The following CSMD3 variants were observed in gnomAD, a reference collection of about 807,000 sequenced individuals.
CSMD3 encodes CUB and Sushi multiple domains 3, also known as CUB and sushi domain-containing protein 3.
Under a neutral mutation model 435.2 loss-of-function variants are expected in CSMD3, and 177 were observed. The ratio of observed to expected loss-of-function variants is 0.41; its 90% CI spans 0.36 to 0.46. The LOEUF is 0.46. Among genes scored for constraint, CSMD3 ranks in the 20% least tolerant of loss-of-function variants. The pLI is 0.34. For synonymous variants in CSMD3, 1,656 were observed against 1,520.5 expected (o/e 1.09, Z -2.07); for missense variants, 4,265 against 4,504.6 (o/e 0.95, Z 1.52).
chr8:112,371,140 G>A (rs1273721873), intron 38 of CSMD3, among the ~76,000 whole-genome samples: 1 of 152,152 alleles, frequency 6.6e-6, no homozygotes, highest in Non-Finnish European at 1.5e-5. Context: ...GAGGAAGTGG[G>A]CAGAGGTGAG....
chr8:112,901,871 C>T (rs967344334), intron 10 of CSMD3, among the ~76,000 whole-genome samples: 4 of 151,214 alleles, frequency 2.6e-5, no homozygotes, highest in African/African-American at 4.8e-5. Flanking sequence ...TGATGGGGTT[C>T]GGGTAAAGTT....
chr8:113,053,041 A>G (rs1454249683), intron 5 of CSMD3, among the ~76,000 whole-genome samples: 1 of 152,072 alleles, frequency 6.6e-6, no homozygotes, highest in Admixed American at 6.5e-5. Context: ...AACAGCCTGT[A>G]TTTTTTTCAA....
chr8:112,342,771 A>G (rs1377352413), intron 41 of CSMD3, among the ~76,000 whole-genome samples: 1 of 151,868 alleles, frequency 6.6e-6, no homozygotes, highest in Non-Finnish European at 1.5e-5. Flanking sequence ...GGAAATATTT[A>G]AAACAGGGTT....
chr8:112,850,010 T>C (rs1003041834), intron 11 of CSMD3, among the ~76,000 whole-genome samples: 1 of 152,062 alleles, frequency 6.6e-6, no homozygotes. Context: ...ATATGAAAAA[T>C]AGGGATAATA....
intron 24 of CSMD3, among the ~76,000 whole-genome samples, chr8:112,558,702 G>A (rs1249952880): frequency 2.0e-5 from 3 of 151,866 alleles, no homozygotes; most frequent in South Asian, 2.1e-4. Flanking sequence ...CATATATGGC[G>A]TCAGAAGGGG....
At chr8:112,574,664 A>G (rs1829799477) in intron 23 of CSMD3, among the ~76,000 whole-genome samples, 1 of 151,966 alleles carries the variant, frequency 6.6e-6, no homozygotes, top group African/African-American at 2.4e-5. Flanking sequence ...AAAGGTGTAA[A>G]AATTGGTTCT....
chr8:113,257,212 T>C (rs2093389081), intron 3 of CSMD3, among the ~76,000 whole-genome samples: 1 of 152,002 alleles, frequency 6.6e-6, no homozygotes, highest in Non-Finnish European at 1.5e-5. Context: ...ATCAAGACCT[T>C]CCTGGCTAAC....
intron 5 of CSMD3, among the ~76,000 whole-genome samples, chr8:113,025,718 C>G (rs1393791042): frequency 6.6e-6 from 1 of 152,074 alleles, no homozygotes; most frequent in Non-Finnish European, 1.5e-5. Context: ...GTCAGGCACA[C>G]ATGGGTGTGA....
intron 5 of CSMD3, among the ~76,000 whole-genome samples, chr8:113,030,436 A>ATATAT (rs1293925866): frequency 6.7e-6 from 1 of 149,492 alleles, no homozygotes; most frequent in African/African-American, 2.4e-5. Context: ...AAAAAAAAAA[A>ATATAT]AAAAAAAAAG....
intron 16 of CSMD3, among the ~76,000 whole-genome samples, chr8:112,672,365 G>T (rs996289582): frequency 6.6e-6 from 1 of 152,130 alleles, no homozygotes; most frequent in African/African-American, 2.4e-5. Flanking sequence ...GGGGGCCTCT[G>T]GTTACCTGCA....
chr8:113,373,802 C>T (rs897039038), intron 1 of CSMD3, among the ~76,000 whole-genome samples: 4 of 152,076 alleles, frequency 2.6e-5, no homozygotes, highest in Non-Finnish European at 5.9e-5. Context: ...TCACCTGACT[C>T]ACAGACTAAT....
chr8:113,415,637 C>G (rs974995361), intron 1 of CSMD3, among the ~76,000 whole-genome samples: 1 of 151,984 alleles, frequency 6.6e-6, no homozygotes, highest in Non-Finnish European at 1.5e-5. Flanking sequence ...TTGACCTTAA[C>G]AGGGAAGGTA....
intron 22 of CSMD3, among the ~76,000 whole-genome samples, chr8:112,630,266 T>C (rs2074477193): frequency 6.6e-6 from 1 of 152,120 alleles, no homozygotes; most frequent in South Asian, 2.1e-4. Context: ...TAATTAGTTA[T>C]AATATTGAAG....
intron 45 of CSMD3, 85 bp downstream of exon 45, chr8:112,335,244 T>A (rs1206268130): frequency 1.8e-5 from 24 of 1,305,560 alleles, no homozygotes; most frequent in Non-Finnish European, 2.2e-6. Context: ...TTTTCAATCA[T>A]TGGTTAAATA....
At chr8:112,584,877 A>G in intron 23 of CSMD3, among the ~76,000 whole-genome samples, 1 of 151,740 alleles carries the variant, frequency 6.6e-6, no homozygotes, top group East Asian at 1.9e-4. Context: ...ATTAACTTTC[A>G]TGGATTAGTT....
At chr8:112,497,995 G>T (rs775241839) in intron 30 of CSMD3, among the ~76,000 whole-genome samples, 4 of 152,104 alleles carry the variant, frequency 2.6e-5, no homozygotes, top group Admixed American at 6.5e-5. Flanking sequence ...GTGTCTAAAT[G>T]TGTACTGGTA....
chr8:112,942,405 A>C (rs575372646), intron 9 of CSMD3, among the ~76,000 whole-genome samples: 2 of 151,928 alleles, frequency 1.3e-5, no homozygotes, highest in South Asian at 2.1e-4. Flanking sequence ...ATAAAGGCAC[A>C]TGCACAGGTA....
Position 113,138,881 on chromosome 8 carries a change from A to G in CSMD3, c.709+34841T>C, listed in dbSNP as rs202187915. On this transcript the variant is annotated intron_variant, in intron 4 of 70. Coordinates refer to ENST00000297405, the MANE Select transcript of CSMD3 (RefSeq NM_198123.2). The stretch of plus-strand genomic sequence containing the variant: ...TACATATATCTGAATATATGTATAT[A>G]TATATGTCACATAATACTAAAGGAA... Among the ~76,000 whole-genome samples the G allele has an allele frequency of 1.6e-4, 24 of 151,030 alleles. No homozygotes were observed. The East Asian group carries it at 3.9e-3, about 24-fold the overall frequency.
rs117163416 is a variant in CSMD3 at position 112,702,829 on chromosome 8, C to G, written c.1973-12779G>C. On this transcript the variant is annotated intron_variant, in intron 13 of 70. Coordinates refer to ENST00000297405, the MANE Select transcript of CSMD3 (RefSeq NM_198123.2). ...GAAAGCCACACTTATGTAAGGCAGC[C>G]CACTCCATACCGCTGTCCTCCAAGC... is the stretch of plus-strand genomic sequence containing the variant. Among the ~76,000 whole-genome samples the G allele has an allele frequency of 5.3e-5, 8 of 152,048 alleles. No individual in the cohort carries two copies. The East Asian group carries it at 1.6e-3, about 30-fold the overall frequency.
Sources: gnomAD v4.1 joint callset for allele counts (sites outside exome capture counted in the v4.1 genomes callset) on GRCh38, gnomAD v4.1.1 for gene constraint, MANE v1.5 for transcripts, NCBI Gene and HGNC (gene_info 2026-07-23, HGNC 2026-07-21) for gene names.